The following HS3ST3A1 variants were observed in gnomAD, a reference collection of about 807,000 sequenced individuals.
HS3ST3A1 encodes heparan sulfate-glucosamine 3-sulfotransferase 3A1.
A neutral mutation model predicts 25.7 loss-of-function variants in HS3ST3A1; 19 were observed. That is an observed-to-expected ratio of 0.74 (90% confidence interval 0.52 to 1.08). HS3ST3A1 has a LOEUF of 1.08. Among genes scored for constraint, HS3ST3A1 ranks in the 50% least tolerant of loss-of-function variants. The pLI, the probability that HS3ST3A1 is intolerant of heterozygous loss-of-function variation, is 0.00. For synonymous variants in HS3ST3A1, 226 were observed against 278.6 expected (o/e 0.81, Z 1.88); for missense variants, 459 against 594.3 (o/e 0.77, Z 2.37).
intron 1 of HS3ST3A1, among the ~76,000 whole-genome samples, chr17:13,565,117 A>C (rs1330189713): frequency 1.3e-5 from 2 of 148,458 alleles, no homozygotes; most frequent in African/African-American, 4.9e-5. Flanking sequence ...AGTCAAGTTT[A>C]TTTTATTGAA....
chr17:13,501,737 G>A (rs1341743659), intron 1 of HS3ST3A1, among the ~76,000 whole-genome samples: 2 of 152,160 alleles, frequency 1.3e-5, no homozygotes, highest in African/African-American at 4.8e-5. Context: ...GGGAATACAT[G>A]GAAGCACTCT....
intron 1 of HS3ST3A1, among the ~76,000 whole-genome samples, chr17:13,498,774 A>T (rs1905363212): frequency 6.6e-6 from 1 of 152,274 alleles, no homozygotes; most frequent in East Asian, 1.9e-4. Context: ...AAAAATGGAC[A>T]ATTTCCTCTG....
At chr17:13,498,384 T>A (rs930960132) in intron 1 of HS3ST3A1, among the ~76,000 whole-genome samples, 1 of 152,162 alleles carries the variant, frequency 6.6e-6, no homozygotes, top group Non-Finnish European at 1.5e-5. Context: ...CTTTCAATCC[T>A]ACTCTTACCA....
At chr17:13,519,482 C>T (rs1906158310) in intron 1 of HS3ST3A1, among the ~76,000 whole-genome samples, 1 of 152,068 alleles carries the variant, frequency 6.6e-6, no homozygotes, top group Admixed American at 6.6e-5. Context: ...ATATAAGAAA[C>T]TGTTAAAAGT....
chr17:13,527,305 G>A (rs1277023693), intron 1 of HS3ST3A1, among the ~76,000 whole-genome samples: 1 of 152,112 alleles, frequency 6.6e-6, no homozygotes, highest in African/African-American at 2.4e-5. Flanking sequence ...GGAGGGCATG[G>A]AGCATTAAAA....
intron 1 of HS3ST3A1, among the ~76,000 whole-genome samples, chr17:13,573,462 C>T (rs1907869868): frequency 1.3e-5 from 2 of 152,164 alleles, no homozygotes; most frequent in African/African-American, 4.8e-5. Context: ...CATTTCCACA[C>T]CACCATGCTG....
intron 1 of HS3ST3A1, among the ~76,000 whole-genome samples, chr17:13,513,695 C>G (rs1598410396): frequency 6.6e-6 from 1 of 152,164 alleles, no homozygotes; most frequent in Non-Finnish European, 1.5e-5. Flanking sequence ...TAAATTGCTG[C>G]GCAGTATCCT....
intron 1 of HS3ST3A1, among the ~76,000 whole-genome samples, chr17:13,505,598 C>T (rs993811343): frequency 1.3e-5 from 2 of 151,320 alleles, no homozygotes; most frequent in African/African-American, 4.9e-5. Flanking sequence ...AGAGTATAAT[C>T]GGTGAGGCTA....
At chr17:13,527,457 A>C (rs187889123) in intron 1 of HS3ST3A1, among the ~76,000 whole-genome samples, 41 of 152,290 alleles carry the variant, frequency 2.7e-4, no homozygotes, top group African/African-American at 8.7e-4. Flanking sequence ...AAGAGCCCTC[A>C]GGACCAAGAA....
intron 1 of HS3ST3A1, among the ~76,000 whole-genome samples, chr17:13,501,858 C>G (rs987389255): frequency 6.6e-6 from 1 of 152,230 alleles, no homozygotes; most frequent in African/African-American, 2.4e-5. Context: ...GTTCCTGACA[C>G]ACCTGACCAT....
intron 1 of HS3ST3A1, among the ~76,000 whole-genome samples, chr17:13,498,927 A>C (rs1598405566): frequency 6.8e-6 from 1 of 146,598 alleles, no homozygotes; most frequent in Non-Finnish European, 1.5e-5. Context: ...GCCCATACTC[A>C]GATTTCCTCC....
chr17:13,589,838 G>A (rs1908374087), intron 1 of HS3ST3A1, among the ~76,000 whole-genome samples: 2 of 152,196 alleles, frequency 1.3e-5, no homozygotes, highest in Admixed American at 6.5e-5. Flanking sequence ...CTCCGGGAAT[G>A]TAACTTTAGT....
At chr17:13,580,765 C>T in intron 1 of HS3ST3A1, among the ~76,000 whole-genome samples, 2 of 152,114 alleles carry the variant, frequency 1.3e-5, no homozygotes, top group African/African-American at 2.4e-5. Context: ...GTGACACATG[C>T]CTATAATCCC....
chr17:13,532,526 C>A (rs373248059), intron 1 of HS3ST3A1, among the ~76,000 whole-genome samples: 1 of 152,002 alleles, frequency 6.6e-6, no homozygotes, highest in South Asian at 2.1e-4. Flanking sequence ...GAGGCAATAT[C>A]GTGAGGAAAT....
At chr17:13,580,169 A>G (rs1349274000) in intron 1 of HS3ST3A1, among the ~76,000 whole-genome samples, 12 of 152,104 alleles carry the variant, frequency 7.9e-5, no homozygotes. Flanking sequence ...AAATTCACAG[A>G]TTAAAAAAAC....
intron 1 of HS3ST3A1, among the ~76,000 whole-genome samples, chr17:13,560,115 C>T (rs187884252): frequency 6.6e-6 from 1 of 151,026 alleles, no homozygotes. Flanking sequence ...CATGGTGAAA[C>T]CCCATCTCTA....
intron 1 of HS3ST3A1, among the ~76,000 whole-genome samples, chr17:13,527,999 C>T (rs150651187): frequency 8.3e-4 from 126 of 152,092 alleles, no homozygotes; most frequent in Middle Eastern, 3.4e-3. Flanking sequence ...CTTCTTGGCC[C>T]CCAGGAATAA....
intron 1 of HS3ST3A1, among the ~76,000 whole-genome samples, chr17:13,566,236 C>T (rs1422736860): frequency 6.6e-6 from 1 of 152,022 alleles, no homozygotes; most frequent in African/African-American, 2.4e-5. Context: ...ACTATTGTAT[C>T]TGTTATGGTG....
chr17:13,515,471 G>GTTTT (rs33924561), intron 1 of HS3ST3A1, among the ~76,000 whole-genome samples: 1,325 of 107,672 alleles, frequency 0.012, 65 homozygotes, highest in African/African-American at 0.044. Flanking sequence ...GTTTGTTTCA[G>GTTTT]TTTTTTTTTT....
Sources: gnomAD v4.1 joint callset for allele counts (sites outside exome capture counted in the v4.1 genomes callset) on GRCh38, gnomAD v4.1.1 for gene constraint, MANE v1.5 for transcripts, NCBI Gene and HGNC (gene_info 2026-07-23, HGNC 2026-07-21) for gene names.